Variants in CEP63 observed in about 807,000 individuals in gnomAD.
The protein encoded by CEP63 is centrosomal protein 63, also known as centrosomal protein of 63 kDa.
CEP63 carries 84 observed loss-of-function variants against 89.1 expected under a neutral mutation model. The ratio of observed to expected loss-of-function variants is 0.94; its 90% CI spans 0.79 to 1.13. CEP63 has a LOEUF of 1.13. Among genes scored for constraint, CEP63 ranks in the 50% most tolerant of loss-of-function variants. CEP63 has a pLI of 0.00. For missense variants in CEP63, 838 were observed against 813.3 expected, an observed-to-expected ratio of 1.03 and a Z score of -0.37; for synonymous variants, 267 against 272.5, an observed-to-expected ratio of 0.98 and a Z score of 0.20.
downstream of CEP63, among the ~76,000 whole-genome samples, chr3:134,577,888 C>T (rs1462008113): frequency 6.6e-6 from 1 of 152,022 alleles, no homozygotes; most frequent in African/African-American, 2.4e-5. Flanking sequence ...TTTTCTGTTC[C>T]TGTGTTAGTT....
chr3:134,662,458 T>C, the CEP63 span, among the ~76,000 whole-genome samples: 2,413 of 152,192 alleles, frequency 0.016, 51 homozygotes, highest in African/African-American at 0.055. Flanking sequence ...CCAAATGAAC[T>C]AAGACAGTGG....
the CEP63 span, among the ~76,000 whole-genome samples, chr3:134,652,445 C>G: frequency 7.0e-6 from 1 of 142,338 alleles, no homozygotes; most frequent in Non-Finnish European, 1.5e-5. Context: ...ATTACCAGCG[C>G]CCCCCCCCAC....
At chr3:134,607,501 G>T in the CEP63 span, 2 of 985,714 alleles carry the variant, frequency 2.0e-6, no homozygotes, top group Non-Finnish European at 2.4e-6. Flanking sequence ...GGCAGAGACG[G>T]TGCCACCAGG....
downstream of CEP63, among the ~76,000 whole-genome samples, chr3:134,588,741 G>T (rs1958538239): frequency 6.6e-6 from 1 of 152,124 alleles, no homozygotes; most frequent in Non-Finnish European, 1.5e-5. Context: ...ATTAGAAAAT[G>T]AATGTTCAAT....
At chr3:134,694,639 G>A in the CEP63 span, among the ~76,000 whole-genome samples, 2 of 152,322 alleles carry the variant, frequency 1.3e-5, no homozygotes, top group Non-Finnish European at 2.9e-5. Flanking sequence ...CCAGATGCCA[G>A]GGGCTGCTGC....
At chr3:134,695,131 G>T in the CEP63 span, among the ~76,000 whole-genome samples, 36 of 152,314 alleles carry the variant, frequency 2.4e-4, 1 homozygote, top group African/African-American at 8.4e-4. Context: ...AGCTGTGCGG[G>T]GTAGGAGGTG....
At chr3:134,600,802 T>A in the CEP63 span, 1 of 152,298 alleles carries the variant, frequency 6.6e-6, no homozygotes, top group Non-Finnish European at 1.5e-5. Flanking sequence ...ATCCCTTGTC[T>A]TTTCAACACA....
intron 3 of CEP63, among the ~76,000 whole-genome samples, chr3:134,516,437 G>A (rs1946238619): frequency 6.6e-6 from 1 of 152,132 alleles, no homozygotes; most frequent in South Asian, 2.1e-4. Context: ...ACTGCAAAGA[G>A]GTGTTCCTTC....
At chr3:134,772,075 A>G in the CEP63 span, among the ~76,000 whole-genome samples, 1 of 152,178 alleles carries the variant, frequency 6.6e-6, no homozygotes, top group Admixed American at 6.5e-5. Context: ...TGGAAACTAG[A>G]TCCTGCTGCC....
intron 11 of CEP63, among the ~76,000 whole-genome samples, chr3:134,573,297 T>C (rs1263016476): frequency 2.0e-5 from 3 of 152,222 alleles, no homozygotes; most frequent in Non-Finnish European, 4.4e-5. Context: ...GCCGTTGCTT[T>C]TGGGGACTTA....
At chr3:134,729,905 G>A in the CEP63 span, among the ~76,000 whole-genome samples, 1 of 152,130 alleles carries the variant, frequency 6.6e-6, no homozygotes, top group Non-Finnish European at 1.5e-5. Flanking sequence ...AAACCACATG[G>A]CAACAGTGCC....
At chr3:134,671,773 G>T in the CEP63 span, among the ~76,000 whole-genome samples, 1 of 152,196 alleles carries the variant, frequency 6.6e-6, no homozygotes, top group Non-Finnish European at 1.5e-5. Flanking sequence ...TGGCCTGAAT[G>T]AATGAAAAAT....
chr3:134,711,172 T>C, the CEP63 span, among the ~76,000 whole-genome samples: 1 of 152,246 alleles, frequency 6.6e-6, no homozygotes, highest in African/African-American at 2.4e-5. Context: ...ATAAATATAA[T>C]TGACAACTAA....
chr3:134,766,419 C>G, the CEP63 span, among the ~76,000 whole-genome samples: 1 of 152,256 alleles, frequency 6.6e-6, no homozygotes, highest in Non-Finnish European at 1.5e-5. Flanking sequence ...ACTTCCCTGC[C>G]TCCTCCAACA....
At chr3:134,775,079 C>T in the CEP63 span, among the ~76,000 whole-genome samples, 84 of 152,302 alleles carry the variant, frequency 5.5e-4, 1 homozygote, top group South Asian at 0.012. Context: ...CAGTCACCTC[C>T]GGTGGTGACT....
rs1367782141 is a variant in CEP63, at chr3:134,550,111, G to T, written c.1231G>T (p.Glu411Ter). Residue 411 changes from glutamate to a stop codon, truncating the protein, a stop_gained, in exon 11 of 15, where the codon GAA (glutamate) becomes TAA (stop). Coordinates refer to ENST00000675561, the MANE Select transcript of CEP63 (RefSeq NM_001353108.3). LOFTEE classifies it high-confidence loss of function. ...QGEQSYSSALEGMKMEISHLT... is the reference protein window; with the variant it reads ...QGEQSYSSAL ...TGAACAAAGTTACAGTTCTGCACTA[G>T]AAGGAATGAAGATGGAAATCTCCCA... 6.2e-7 allele frequency: 1 copy of T among 1,613,944 alleles called. No homozygotes were observed. Among genetic ancestry groups the T allele is most frequent in the Non-Finnish European group, 8.5e-7 (1 of 1,179,904 alleles).
the CEP63 span, among the ~76,000 whole-genome samples, chr3:134,738,288 A>C: frequency 4.2e-5 from 6 of 141,224 alleles, no homozygotes; most frequent in African/African-American, 1.5e-4. Context: ...ACACACACAC[A>C]CCACAATATC....
chr3:134,705,118 TC>T, the CEP63 span, among the ~76,000 whole-genome samples: 3 of 152,264 alleles, frequency 2.0e-5, no homozygotes, highest in African/African-American at 7.2e-5. Flanking sequence ...TTGGATTCTG[TC>T]TTAGTTCATT....
intron 10 of CEP63, among the ~76,000 whole-genome samples, chr3:134,582,083 G>C (rs991615047): frequency 6.6e-6 from 1 of 151,904 alleles, no homozygotes; most frequent in African/African-American, 2.4e-5. Flanking sequence ...TCTGTCAGAA[G>C]ATATAAAATT....
Sources: gnomAD v4.1 joint callset for allele counts (sites outside exome capture counted in the v4.1 genomes callset) on GRCh38, gnomAD v4.1.1 for gene constraint, MANE v1.5 for transcripts, NCBI Gene and HGNC (gene_info 2026-07-23, HGNC 2026-07-21) for gene names.